The following MSR1 variants were observed in gnomAD, a reference collection of about 807,000 sequenced individuals.
The protein encoded by MSR1 is macrophage scavenger receptor 1.
In MSR1, 53 loss-of-function variants were observed where a neutral mutation model predicts 47.2. The ratio of observed to expected loss-of-function variants is 1.12; its 90% CI spans 0.90 to 1.41. The LOEUF (loss-of-function observed/expected upper bound fraction) is 1.41, where lower values mean the gene tolerates loss of function less well. Ranked by LOEUF, MSR1 falls within the 40% of genes most tolerant of loss-of-function variation. MSR1 has a pLI of 0.00. For missense variants in MSR1, 786 were observed against 546.9 expected, an observed-to-expected ratio of 1.44 and a Z score of -4.36; for synonymous variants, 239 against 185.6, an observed-to-expected ratio of 1.29 and a Z score of -2.34.
chr8:16,133,195 G>C lies in MSR1; in HGVS notation c.1033+10363C>G, dbSNP rs117417163. On this transcript the variant is annotated intron_variant, in intron 8 of 9. Coordinates refer to ENST00000262101, the MANE Select transcript of MSR1 (RefSeq NM_138715.3). ...TACTTCTCAACATAAGCTCCATCAAGTTCAAGACACTTTTATAGGTGATGA... is the reference window on the plus strand; with the variant it reads ...TACTTCTCAACATAAGCTCCATCAACTTCAAGACACTTTTATAGGTGATGA... 4.6e-3 allele frequency among the ~76,000 whole-genome samples: 703 copies of C among 152,264 alleles called. 20 individuals carry two copies. In the East Asian group the frequency reaches 0.066, roughly 14 times the overall value.
intron 1 of MSR1, among the ~76,000 whole-genome samples, chr8:16,178,348 T>G (rs1442756445): frequency 6.7e-6 from 1 of 148,272 alleles, no homozygotes; most frequent in Non-Finnish European, 1.5e-5. Flanking sequence ...AGTGAGAACA[T>G]GCGGTGTTTG....
chr8:16,150,851 AACACACAC>A (rs3036816), intron 6 of MSR1, among the ~76,000 whole-genome samples: 68 of 142,032 alleles, frequency 4.8e-4, no homozygotes, highest in East Asian at 7.0e-4. Flanking sequence ...CATAAACATA[AACACACAC>A]ACACACACAC....
At chr8:16,176,531 A>G (rs1404871123) in intron 2 of MSR1, among the ~76,000 whole-genome samples, 1 of 151,720 alleles carries the variant, frequency 6.6e-6, no homozygotes, top group African/African-American at 2.4e-5. Context: ...AAAAAGGAAA[A>G]GAGAGAAAAG....
chr8:16,173,348 G>A (rs1476819881), intron 3 of MSR1, among the ~76,000 whole-genome samples: 1 of 152,172 alleles, frequency 6.6e-6, no homozygotes, highest in African/African-American at 2.4e-5. Context: ...GCAGTGATTT[G>A]CATAAAGGTG....
At chr8:16,165,902 C>G (rs1801292080) in intron 4 of MSR1, among the ~76,000 whole-genome samples, 1 of 152,122 alleles carries the variant, frequency 6.6e-6, no homozygotes, top group Non-Finnish European at 1.5e-5. Flanking sequence ...GCACCTCCTC[C>G]TCCCCTGACC....
At position 16,168,648 on chromosome 8, in the gene MSR1, G is replaced by T. The variant is rs375039977; in HGVS notation, c.440C>A (p.Thr147Lys). ...DTEHFQNFSM[T>K]TDQRFNDILL... Reference sequence around the variant, plus strand: ...AATGTCATTAAATCTTTGATCAGTTGTCATGCTGAAATTTTGGAAATGCTC... The same window carrying T: ...AATGTCATTAAATCTTTGATCAGTTTTCATGCTGAAATTTTGGAAATGCTC... The change falls in exon 4 of 10, where the codon ACA becomes AAA. Residue 147 changes from threonine (T) to lysine (K), a missense_variant. Thr to Lys is a moderately conservative substitution (Grantham distance 78). Transcript: ENST00000262101. 1 of 1,614,006 alleles carries T rather than the reference G, an allele frequency of 6.2e-7. No individual in the cohort carries two copies. The highest frequency in any genetic ancestry group is 1.3e-5 in the African/African-American group (1 of 74,926).
intron 8 of MSR1, chr8:16,139,401 G>T: frequency 1.1e-6 from 1 of 932,336 alleles, no homozygotes; most frequent in Non-Finnish European, 1.3e-6. Flanking sequence ...ACCCTGTGAG[G>T]TAGGTGTTAA....
Position 16,121,037 on chromosome 8 carries a change from C to T in MSR1, c.1034-431G>A, listed in dbSNP as rs993005870. The T allele has an allele frequency of 3.6e-5, 12 of 331,842 alleles. 1 individual carries two copies. Among genetic ancestry groups the T allele is most frequent in the South Asian group, 1.0e-4 (4 of 39,182 alleles). 20.6% of individuals were successfully genotyped at this position (331,842 alleles called of 1,614,324 possible). A position where few individuals can be genotyped will look rare whatever the true frequency, so the allele number is the denominator to read the frequency against. On this transcript the variant is annotated intron_variant, in intron 8 of 9. Transcript: ENST00000262101. ...AGAGATTTTCAATACTATAGGAGGG[C>T]GAGGAGCAGATATTTTAGAATATCA...
In MSR1 at chr8:16,111,600, A is replaced by G. The variant is rs184960235; in HGVS notation, c.1223-1382T>C. Among the ~76,000 whole-genome samples, 375 of 152,302 alleles carry G rather than the reference A, an allele frequency of 2.5e-3. 2 individuals carry two copies. The highest frequency in any genetic ancestry group is 8.6e-3 in the African/African-American group (358 of 41,586). On this transcript the variant is annotated intron_variant, in intron 9 of 9. Coordinates refer to ENST00000262101, the MANE Select transcript of MSR1 (RefSeq NM_138715.3). Reference sequence around the variant, plus strand: ...AGGAAAGAAATTATTTAGTTGACTAATGTGCTGACATGTAAGCACATGTTT... The same window carrying G: ...AGGAAAGAAATTATTTAGTTGACTAGTGTGCTGACATGTAAGCACATGTTT...
intron 3 of MSR1, among the ~76,000 whole-genome samples, chr8:16,169,513 A>G (rs1290630774): frequency 1.3e-5 from 2 of 152,162 alleles, no homozygotes; most frequent in African/African-American, 2.4e-5. Flanking sequence ...CTTTTTAACT[A>G]TTATAAAATA....
chr8:16,143,486 G>A lies in MSR1; in HGVS notation c.1033+72C>T, dbSNP rs1192152358. The A allele has an allele frequency of 2.9e-6, 4 of 1,379,416 alleles. No homozygotes were observed. In the East Asian group the frequency reaches 6.9e-5, roughly 24 times the overall value. The allele number at this position is 1,379,416 out of a possible 1,614,324, so 85.4% of individuals were successfully genotyped here. ...CTGAAGTTGCGAACATTTGCCTCAA[G>A]CCCAGATCTCTAGTATCACAGACTT... On this transcript the variant is annotated intron_variant, in intron 8 of 9. Transcript: ENST00000262101.
At chr8:16,112,034 T>C (rs1223050360) in intron 9 of MSR1, among the ~76,000 whole-genome samples, 1 of 152,118 alleles carries the variant, frequency 6.6e-6, no homozygotes, top group Non-Finnish European at 1.5e-5. Flanking sequence ...TGGGAGGGCT[T>C]ATGTTCTAGG....
intron 3 of MSR1, among the ~76,000 whole-genome samples, chr8:16,169,911 T>C (rs1484042941): frequency 6.6e-6 from 1 of 152,118 alleles, no homozygotes; most frequent in Non-Finnish European, 1.5e-5. Flanking sequence ...TATTCTAAAA[T>C]AGTATTTTAG....
intron 8 of MSR1, among the ~76,000 whole-genome samples, chr8:16,121,693 G>A (rs12547916): frequency 0.1 from 15,559 of 151,216 alleles, 1,059 homozygotes; most frequent in African/African-American, 0.17. Context: ...GTAATTCTAC[G>A]TAAACAAAAG....
intron 5 of MSR1, among the ~76,000 whole-genome samples, chr8:16,160,825 C>T (rs1801139748): frequency 6.6e-6 from 1 of 151,838 alleles, no homozygotes; most frequent in Admixed American, 6.6e-5. Context: ...TTCCACATTT[C>T]CAAGCTAGGC....
At chr8:16,142,112 T>C (rs972585641) in intron 8 of MSR1, among the ~76,000 whole-genome samples, 4 of 151,980 alleles carry the variant, frequency 2.6e-5, no homozygotes, top group African/African-American at 7.2e-5. Context: ...GGGCAGATCA[T>C]GAGGTCAGGG....
chr8:16,156,649 A>C (rs1801018992), intron 5 of MSR1, among the ~76,000 whole-genome samples: 1 of 151,916 alleles, frequency 6.6e-6, no homozygotes, highest in Admixed American at 6.6e-5. Flanking sequence ...TATAATTCGT[A>C]GTTGTGTTAT....
chr8:16,175,805 G>A (rs1426711895), intron 2 of MSR1, among the ~76,000 whole-genome samples: 1 of 152,060 alleles, frequency 6.6e-6, no homozygotes, highest in East Asian at 1.9e-4. Flanking sequence ...TACCTCTTAT[G>A]ATTTGAATAC....
At chr8:16,166,044 C>T (rs936944588) in intron 4 of MSR1, among the ~76,000 whole-genome samples, 1 of 151,870 alleles carries the variant, frequency 6.6e-6, no homozygotes, top group Admixed American at 6.6e-5. Flanking sequence ...GCAAGTATGT[C>T]GGGTAGTTCC....
Sources: gnomAD v4.1 joint callset for allele counts (sites outside exome capture counted in the v4.1 genomes callset) on GRCh38, gnomAD v4.1.1 for gene constraint, MANE v1.5 for transcripts, NCBI Gene and HGNC (gene_info 2026-07-23, HGNC 2026-07-21) for gene names.